The following ABCC9 variants were observed in gnomAD, a reference collection of about 807,000 sequenced individuals.
ABCC9 encodes ATP binding cassette subfamily C member 9.
In ABCC9, 95 loss-of-function variants were observed where a neutral mutation model predicts 188.3. The ratio of observed to expected loss-of-function variants is 0.50; its 90% confidence interval spans 0.43 to 0.60. ABCC9 has a LOEUF of 0.60. Among genes scored for constraint, ABCC9 ranks in the 20% least tolerant of loss-of-function variants. The pLI, the probability that ABCC9 is intolerant of heterozygous loss-of-function variation, is 0.00. For missense variants in ABCC9, 1,102 were observed against 1,876.3 expected, an observed-to-expected ratio of 0.59 and a Z score of 7.62; for synonymous variants, 659 against 652.7, an observed-to-expected ratio of 1.01 and a Z score of -0.15.
At chr12:21,807,576 A>T in intron 37 of ABCC9, 97 bp from the exon 38 acceptor site, 1 of 1,521,070 alleles carries the variant, frequency 6.6e-7, no homozygotes, top group Non-Finnish European at 9.0e-7. Flanking sequence ...GTATGACAGC[A>T]TGATGGATAT....
In ABCC9 at chr12:21,912,969, T is replaced by A; in HGVS notation, c.914A>T (p.Tyr305Phe). The change falls in exon 8 of 40, where the codon TAT becomes TTT. Residue 305 changes from tyrosine to phenylalanine, a missense_variant. Tyr to Phe is a conservative substitution (Grantham distance 22). Transcript: ENST00000261200. Reference sequence around the variant, plus strand: ...AGCAAAACCCAGTAAATCAGCCAGATAGCGGAATGTGCTACTAAGTAGAAT... The same window carrying A: ...AGCAAAACCCAGTAAATCAGCCAGAAAGCGGAATGTGCTACTAAGTAGAAT... ...RPILLSSTFR[Y>F]LADLLGFAGP... The A allele has an allele frequency of 1.2e-6, 2 of 1,613,480 alleles. No individual in the cohort carries two copies. The highest frequency in any genetic ancestry group is 1.7e-5 in the Admixed American group (1 of 59,930).
At chr12:21,930,009 G>A (rs1300358724) in intron 4 of ABCC9, among the ~76,000 whole-genome samples, 2 of 119,396 alleles carry the variant, frequency 1.7e-5, no homozygotes, top group Non-Finnish European at 3.2e-5. Context: ...ACAGGCCCCA[G>A]TGTGTGATAT....
chr12:21,926,005 T>C lies in ABCC9; in HGVS notation c.343A>G (p.Thr115Ala), dbSNP rs780689866. The C allele has an allele frequency of 6.2e-7, 1 of 1,614,154 alleles. No homozygotes were observed. The highest frequency in any genetic ancestry group is 1.6e-4 in the Middle Eastern group (1 of 6,062). The change falls in exon 5 of 40, where the codon ACT becomes GCT. Residue 115 changes from threonine (T) to alanine (A), a missense_variant. By Grantham distance (58) the Thr-to-Ala change is moderately conservative. Transcript: ENST00000261200. ...FMPAVMGFVA[T>A]TTSIVYYHNI... ...TGATAATACACTATCGATGTTGTAG[T>C]GGCAACGAATCCCATCACGGCTGGC...
At chr12:21,884,078 T>A (rs1446321162) in intron 15 of ABCC9, among the ~76,000 whole-genome samples, 2 of 66,720 alleles carry the variant, frequency 3.0e-5, no homozygotes, top group Non-Finnish European at 5.0e-5. Flanking sequence ...TAATTAACTT[T>A]TTTTTTTTTT....
intron 31 of ABCC9, among the ~76,000 whole-genome samples, chr12:21,820,550 A>T (rs1488056996): frequency 6.6e-6 from 1 of 152,070 alleles, no homozygotes; most frequent in African/African-American, 2.4e-5. Context: ...ATCTATATAT[A>T]TAGCCTTATC....
chr12:21,863,113 A>G lies in ABCC9; in HGVS notation c.2238-59T>C, dbSNP rs1945605268. The stretch of plus-strand genomic sequence containing the variant: ...GATTATGCAAAGGTACTGTGCGTGT[A>G]TGTATTTTACTATAAATAGGGGAAA... On this transcript the variant is annotated intron_variant, in intron 19 of 39. Coordinates refer to ENST00000261200, the MANE Select transcript of ABCC9 (RefSeq NM_020297.4). The G allele has an allele frequency of 4.5e-6, 5 of 1,119,832 alleles. No homozygotes were observed. The Admixed American group carries it at 7.8e-5, about 17-fold the overall frequency. The allele number at this position is 1,119,832 out of a possible 1,614,324, so 69.4% of individuals were successfully genotyped here.
intron 16 of ABCC9, among the ~76,000 whole-genome samples, chr12:21,879,401 A>C (rs1198154898): frequency 6.6e-6 from 1 of 152,180 alleles, no homozygotes; most frequent in South Asian, 2.1e-4. Flanking sequence ...ATTTATATGA[A>C]ATATCCAGAA....
intron 12 of ABCC9, among the ~76,000 whole-genome samples, chr12:21,902,506 G>T (rs1267692720): frequency 9.9e-5 from 15 of 152,152 alleles, no homozygotes; most frequent in Admixed American, 9.8e-4. Flanking sequence ...AATGAATCCA[G>T]GAGCTGGTTT....
chr12:21,838,041 T>C, intron 30 of ABCC9, 37 bp downstream of exon 30: 1 of 1,451,036 alleles, frequency 6.9e-7, no homozygotes, highest in Non-Finnish European at 9.7e-7. Flanking sequence ...GATGATGTTA[T>C]TGCCTAGTCA....
chr12:21,913,789 G>C (rs1948425468), intron 7 of ABCC9, among the ~76,000 whole-genome samples: 1 of 152,082 alleles, frequency 6.6e-6, no homozygotes, highest in South Asian at 2.1e-4. Flanking sequence ...ATTTAGGGAG[G>C]AGGTAGATAA....
intron 24 of ABCC9, among the ~76,000 whole-genome samples, chr12:21,850,221 TC>T (rs1169884369): frequency 2.6e-5 from 4 of 151,470 alleles, no homozygotes; most frequent in Non-Finnish European, 5.9e-5. Flanking sequence ...TTGCCAAATG[TC>T]CTCTAGGAGG....
intron 20 of ABCC9, 75 bp from the exon 21 acceptor site, chr12:21,861,130 CTTTGGAAGTTGAAATAAAACA>C: frequency 8.4e-7 from 1 of 1,187,178 alleles, no homozygotes; most frequent in Non-Finnish European, 1.3e-6. Flanking sequence ...AAATTCAATA[CTTTGGAAGTTGAAATAAAACA>C]TTTGCTGAAT....
chr12:21,902,536 T>C (rs1230615325), intron 12 of ABCC9, among the ~76,000 whole-genome samples: 2 of 151,834 alleles, frequency 1.3e-5, no homozygotes, highest in African/African-American at 4.8e-5. Context: ...ATCAACAAAA[T>C]AGATAGACCA....
At chr12:21,805,876 T>C (rs1161166773) in intron 39 of ABCC9, 122 bp downstream of exon 39, 1 of 994,630 alleles carries the variant, frequency 1.0e-6, no homozygotes, top group East Asian at 2.4e-5. Flanking sequence ...TTTGCACAGA[T>C]ACAGAAACAT....
chr12:21,815,065 C>T (rs1942512921), intron 34 of ABCC9, among the ~76,000 whole-genome samples: 1 of 152,050 alleles, frequency 6.6e-6, no homozygotes, highest in Non-Finnish European at 1.5e-5. Context: ...TGCCTGTAGT[C>T]CCAGCTACTC....
intron 39 of ABCC9, among the ~76,000 whole-genome samples, chr12:21,803,921 G>T (rs112072585): frequency 0.019 from 2,948 of 152,194 alleles, 89 homozygotes; most frequent in African/African-American, 0.067. Flanking sequence ...AATTTTAGTG[G>T]CAGCTAACCA....
chr12:21,827,021 G>A (rs1437583022), intron 31 of ABCC9: 1 of 649,950 alleles, frequency 1.5e-6, no homozygotes, highest in Non-Finnish European at 1.9e-6. Context: ...TGCCCTTCCT[G>A]TTTCAGGTGT....
chr12:21,849,025 A>G (rs1008138903), intron 24 of ABCC9, among the ~76,000 whole-genome samples: 6 of 152,132 alleles, frequency 3.9e-5, no homozygotes, highest in Non-Finnish European at 8.8e-5. Context: ...GTATCAGTTC[A>G]GTTACATTGT....
chr12:21,829,099 G>A (rs768260696), intron 30 of ABCC9, 39 bp from the exon 31 acceptor site: 1 of 1,453,704 alleles, frequency 6.9e-7, no homozygotes, highest in Non-Finnish European at 9.6e-7. Flanking sequence ...CACACAACAG[G>A]AGAGGTAATA....
Sources: gnomAD v4.1 joint callset for allele counts (sites outside exome capture counted in the v4.1 genomes callset) on GRCh38, gnomAD v4.1.1 for gene constraint, MANE v1.5 for transcripts, NCBI Gene and HGNC (gene_info 2026-07-23, HGNC 2026-07-21) for gene names.